Variants in TM2D3 observed in about 807,000 individuals in gnomAD.
The protein encoded by TM2D3 is TM2 domain containing 3, also known as TM2 domain-containing protein 3.
TM2D3 carries 33 observed loss-of-function variants against 27.3 expected under a neutral mutation model. The observed-to-expected ratio is 1.21, with a 90% CI of 0.92 to 1.61. TM2D3 has a LOEUF of 1.61. TM2D3 is among the 40% of genes most tolerant of loss of function. The pLI is 0.00. For missense variants in TM2D3, 364 were observed against 320.8 expected (o/e 1.13, Z -1.03); for synonymous variants, 138 against 122.2 (o/e 1.13, Z -0.85).
chr15:101,640,558 G>A (rs1343039926), downstream of TM2D3, among the ~76,000 whole-genome samples: 2 of 152,236 alleles, frequency 1.3e-5, no homozygotes, highest in African/African-American at 2.4e-5. Flanking sequence ...GCTGCCAGCA[G>A]AGGCCCATGG....
At chr15:101,637,724 C>T (rs1046927680), downstream of TM2D3, among the ~76,000 whole-genome samples, 5 of 152,152 alleles carry the variant, frequency 3.3e-5, no homozygotes, top group East Asian at 3.9e-4. Context: ...GGACCACAGG[C>T]GCACACCTGC....
At chr15:101,645,252 G>A (rs1236320048) in intron 4 of TM2D3, 90 bp from the exon 5 acceptor site, 1 of 1,117,366 alleles carries the variant, frequency 8.9e-7, no homozygotes, top group Non-Finnish European at 1.3e-6. Context: ...AATTTAAAAT[G>A]TGAAAAGTCA....
chr15:101,650,331 ACGGC>A, intron 2 of TM2D3, 170 bp from the exon 3 acceptor site: 2 of 596,912 alleles, frequency 3.4e-6, no homozygotes, highest in Middle Eastern at 4.4e-4. Flanking sequence ...AATTCTGCCC[ACGGC>A]CAGCTGTGGG....
At chr15:101,636,795 A>G in intron 4 of TM2D3, 1 of 294,670 alleles carries the variant, frequency 3.4e-6, no homozygotes, top group Non-Finnish European at 7.0e-6. Context: ...GCAATATATG[A>G]AGGTTCCAAT....
chr15:101,645,213 A>G (rs1233337780), intron 4 of TM2D3, 51 bp from the exon 5 acceptor site: 2 of 1,455,564 alleles, frequency 1.4e-6, no homozygotes, highest in African/African-American at 1.4e-5. Flanking sequence ...ATACTCTCAG[A>G]AAGACTTAAT....
intron 2 of TM2D3, 43 bp downstream of exon 2, chr15:101,651,653 G>C (rs1040123536): frequency 6.4e-7 from 1 of 1,554,868 alleles, no homozygotes; most frequent in Non-Finnish European, 8.8e-7. Context: ...GAAACTACTA[G>C]AGATAACTAC....
intron 4 of TM2D3, 98 bp from the exon 5 acceptor site, chr15:101,645,260 T>C: frequency 9.9e-7 from 1 of 1,010,968 alleles, no homozygotes; most frequent in Non-Finnish European, 1.5e-6. Flanking sequence ...ATGTGAAAAG[T>C]CAACTCTCTT....
At chr15:101,640,475 T>C (rs149544718), downstream of TM2D3, among the ~76,000 whole-genome samples, 1 of 152,308 alleles carries the variant, frequency 6.6e-6, no homozygotes, top group African/African-American at 2.4e-5. Context: ...TTTATGGTAT[T>C]GTTATAGCAA....
chr15:101,640,112 T>C (rs552319574), downstream of TM2D3, among the ~76,000 whole-genome samples: 20 of 152,316 alleles, frequency 1.3e-4, no homozygotes, highest in East Asian at 2.9e-3. Flanking sequence ...AGGATGGCTA[T>C]CTAATCATAT....
chr15:101,643,015 T>G (rs369315926), intron 5 of TM2D3, among the ~76,000 whole-genome samples: 1 of 152,096 alleles, frequency 6.6e-6, no homozygotes, highest in Non-Finnish European at 1.5e-5. Flanking sequence ...ACGACCTGGA[T>G]CAAGTCATCC....
At chr15:101,651,602 G>T in intron 2 of TM2D3, 94 bp downstream of exon 2, 2 of 1,238,666 alleles carry the variant, frequency 1.6e-6, no homozygotes, top group Non-Finnish European at 2.3e-6. Context: ...AAAATGGAAA[G>T]TGACTTCGTA....
downstream of TM2D3, among the ~76,000 whole-genome samples, chr15:101,640,673 ATTTG>A (rs1048933310): frequency 2.0e-5 from 3 of 152,162 alleles, no homozygotes; most frequent in Non-Finnish European, 2.9e-5. Context: ...TCGTTCATAA[ATTTG>A]TTTGTACTAT....
chr15:101,651,686 C>A lies in TM2D3; in HGVS notation c.169+10G>T. On this transcript the variant is annotated intron_variant, in intron 2 of 5. Coordinates refer to ENST00000333202, the MANE Select transcript of TM2D3 (RefSeq NM_078474.3). ...TACATGTATTTACTAGAATAGAAAA[C>A]GTCTAGTACCTGCTGCCCTGGGAAC... 1 of 1,612,822 alleles carries A rather than the reference C, an allele frequency of 6.2e-7. No individual in the cohort carries two copies. The highest frequency in any genetic ancestry group is 8.5e-7 in the Non-Finnish European group (1 of 1,178,904).
chr15:101,633,826 A>G, intron 4 of TM2D3: 2 of 1,041,588 alleles, frequency 1.9e-6, no homozygotes, highest in Non-Finnish European at 2.7e-6. Context: ...TCCATATACC[A>G]AGAACCAGGA....
At chr15:101,639,117 A>C (rs974860530), downstream of TM2D3, among the ~76,000 whole-genome samples, 4 of 152,244 alleles carry the variant, frequency 2.6e-5, no homozygotes, top group Admixed American at 6.5e-5. Context: ...AAAAGAATTT[A>C]AATCAAATTT....
exon 5 of TM2D3, chr15:101,633,645 C>T: frequency 1.3e-6 from 2 of 1,522,234 alleles, no homozygotes; most frequent in South Asian, 1.2e-5. Flanking sequence ...TCTTCTCACG[C>T]TCCTCAAAAA....
At chr15:101,648,207 ATTTTT>A (rs145789871) in intron 3 of TM2D3, 1 of 151,842 alleles carries the variant, frequency 6.6e-6, no homozygotes, top group African/African-American at 2.4e-5. Context: ...CATGTTTGTT[ATTTTT>A]TTTAACATTT....
downstream of TM2D3, among the ~76,000 whole-genome samples, chr15:101,638,240 T>C (rs1033964237): frequency 4.0e-5 from 6 of 151,320 alleles, no homozygotes; most frequent in South Asian, 2.1e-4. Context: ...GAGAAAGATA[T>C]AGATACCTCT....
intron 2 of TM2D3, 34 bp downstream of exon 2, chr15:101,651,662 A>T: frequency 6.3e-7 from 1 of 1,588,640 alleles, no homozygotes; most frequent in Non-Finnish European, 8.6e-7. Context: ...AGAGATAACT[A>T]CATGTATTTA....
Sources: allele counts gnomAD v4.1 joint callset (sites outside exome capture counted in the v4.1 genomes callset), GRCh38; gene constraint gnomAD v4.1.1; transcripts MANE v1.5; gene names NCBI Gene and HGNC (gene_info 2026-07-23, HGNC 2026-07-21).